TAS2R1: variants seen among roughly 807,000 people sequenced by gnomAD.
TAS2R1 encodes the protein taste 2 receptor member 1, also known as taste receptor type 2 member 1.
For synonymous variants in TAS2R1, 141 were observed against 134.2 expected (o/e 1.05, Z -0.35); for missense variants, 370 against 353.4 (o/e 1.05, Z -0.38).
the TAS2R1 span, among the ~76,000 whole-genome samples, chr5:9,896,095 A>G: frequency 6.6e-6 from 1 of 152,202 alleles, no homozygotes; most frequent in Non-Finnish European, 1.5e-5. Context: ...CAACCCTTAT[A>G]CAAGGTATAT....
At chr5:9,670,139 T>C (rs186357) in intron 1 of TAS2R1, among the ~76,000 whole-genome samples, 144,306 of 152,196 alleles carry the variant, frequency 0.95, 68,984 homozygotes, top group Non-Finnish European at 1. Context: ...GCACACAAAT[T>C]AGAAAAACTA....
At chr5:9,857,716 T>C in the TAS2R1 span, among the ~76,000 whole-genome samples, 2,365 of 152,266 alleles carry the variant, frequency 0.016, 56 homozygotes, top group African/African-American at 0.05. Flanking sequence ...TCGTTATTGG[T>C]TTTTTGTGTT....
chr5:9,650,342 G>C (rs1447721863), intron 2 of TAS2R1, among the ~76,000 whole-genome samples: 2 of 152,040 alleles, frequency 1.3e-5, no homozygotes, highest in East Asian at 1.9e-4. Flanking sequence ...GGGGAAAAAA[G>C]GGTGTGCAGG....
chr5:9,774,031 C>T, the TAS2R1 span, among the ~76,000 whole-genome samples: 2 of 152,144 alleles, frequency 1.3e-5, no homozygotes, highest in Non-Finnish European at 2.9e-5. Context: ...TTTCCACCTC[C>T]TCTTTAAGAC....
At chr5:9,800,093 A>C in the TAS2R1 span, among the ~76,000 whole-genome samples, 2 of 152,200 alleles carry the variant, frequency 1.3e-5, no homozygotes, top group East Asian at 3.9e-4. Context: ...CCTACCTCCT[A>C]TAACTCCTAG....
chr5:9,742,433 A>C, the TAS2R1 span, among the ~76,000 whole-genome samples: 1 of 152,206 alleles, frequency 6.6e-6, no homozygotes, highest in East Asian at 1.9e-4. Context: ...TGTACATGCT[A>C]ATCTCAATGT....
chr5:9,809,140 A>G, the TAS2R1 span, among the ~76,000 whole-genome samples: 1 of 152,182 alleles, frequency 6.6e-6, no homozygotes, highest in Non-Finnish European at 1.5e-5. Context: ...ATAGCTGGAG[A>G]GGAATTCTGT....
intron 1 of TAS2R1, among the ~76,000 whole-genome samples, chr5:9,669,756 A>C (rs2126501755): frequency 6.6e-6 from 1 of 152,292 alleles, no homozygotes; most frequent in East Asian, 1.9e-4. Flanking sequence ...GGACACAGCT[A>C]AAACAGTGTT....
At chr5:9,770,417 A>G in the TAS2R1 span, among the ~76,000 whole-genome samples, 10 of 152,136 alleles carry the variant, frequency 6.6e-5, no homozygotes, top group Admixed American at 3.3e-4. Flanking sequence ...GGTTCCATAT[A>G]AATTTTAGGA....
At chr5:9,716,706 C>T (rs982752898), upstream of TAS2R1, among the ~76,000 whole-genome samples, 2 of 152,112 alleles carry the variant, frequency 1.3e-5, no homozygotes, top group South Asian at 4.2e-4. Flanking sequence ...GAATTTGTAC[C>T]TTCTCTTTGT....
At chr5:9,763,954 G>A in the TAS2R1 span, among the ~76,000 whole-genome samples, 2 of 152,168 alleles carry the variant, frequency 1.3e-5, no homozygotes, top group Admixed American at 6.5e-5. Context: ...AATAATGCAA[G>A]AATCTAATTA....
chr5:9,651,948 A>G (rs1236618595), intron 2 of TAS2R1, among the ~76,000 whole-genome samples: 1 of 152,186 alleles, frequency 6.6e-6, no homozygotes, highest in Non-Finnish European at 1.5e-5. Flanking sequence ...CATCATGTCT[A>G]TGAACTTGAT....
chr5:9,872,490 A>G, the TAS2R1 span, among the ~76,000 whole-genome samples: 2 of 152,242 alleles, frequency 1.3e-5, no homozygotes, highest in Admixed American at 1.3e-4. Flanking sequence ...CTGTCCACCC[A>G]TCACTCTGGG....
chr5:9,663,464 A>AT, intron 1 of TAS2R1, among the ~76,000 whole-genome samples: 1 of 152,240 alleles, frequency 6.6e-6, no homozygotes, highest in African/African-American at 2.4e-5. Context: ...AGAGACGTAA[A>AT]TTTTTTTCTT....
chr5:9,630,315 A>T lies in TAS2R1; in HGVS notation c.-283T>A. 1 of 240,254 alleles carries T rather than the reference A, an allele frequency of 4.2e-6. No individual in the cohort carries two copies. The allele number at this position is 240,254 out of a possible 1,614,324, so 14.9% of individuals were successfully genotyped here. On this transcript the variant is annotated 5_prime_UTR_variant, in exon 1 of 1. It adds an upstream start codon to the 5' untranslated region. Coordinates refer to ENST00000382492, the MANE Select transcript of TAS2R1 (RefSeq NM_019599.3). ...CTAGCTTTCAAAGTCATCACAGGCA[A>T]ATAATGGAATCAGACACCTTCAGAC...
chr5:9,849,580 T>G, the TAS2R1 span, among the ~76,000 whole-genome samples: 1 of 152,202 alleles, frequency 6.6e-6, no homozygotes, highest in African/African-American at 2.4e-5. Context: ...ATCTGGACAC[T>G]TCTGTGTTCC....
chr5:9,814,444 T>C, the TAS2R1 span, among the ~76,000 whole-genome samples: 4 of 152,230 alleles, frequency 2.6e-5, no homozygotes, highest in Non-Finnish European at 4.4e-5. Flanking sequence ...GTAGTGTTTT[T>C]ATTCTAATCG....
the TAS2R1 span, among the ~76,000 whole-genome samples, chr5:9,827,209 G>T: frequency 6.6e-6 from 1 of 151,960 alleles, no homozygotes; most frequent in Non-Finnish European, 1.5e-5. Flanking sequence ...CAACCTAGGG[G>T]CACAGTCATC....
the TAS2R1 span, among the ~76,000 whole-genome samples, chr5:9,805,424 C>G: frequency 6.6e-6 from 1 of 151,904 alleles, no homozygotes; most frequent in African/African-American, 2.4e-5. Context: ...ATACCAAAAC[C>G]AGGGAAAGAC....
Sources: gnomAD v4.1 joint callset for allele counts (sites outside exome capture counted in the v4.1 genomes callset) on GRCh38, gnomAD v4.1.1 for gene constraint, MANE v1.5 for transcripts, NCBI Gene and HGNC (gene_info 2026-07-23, HGNC 2026-07-21) for gene names.